The following MYO16 variants were observed in gnomAD, a reference collection of about 807,000 sequenced individuals.
MYO16 encodes the protein unconventional myosin-XVI.
Under a neutral mutation model 205.3 loss-of-function variants are expected in MYO16, and 94 were observed. The ratio of observed to expected loss-of-function variants is 0.46; its 90% CI spans 0.39 to 0.54. The LOEUF is 0.54. MYO16 is among the 20% of genes least tolerant of loss of function. The pLI is 0.00. For missense variants in MYO16, 2,315 were observed against 2,387.5 expected (o/e 0.97, Z 0.63); for synonymous variants, 988 against 954.0 (o/e 1.04, Z -0.66).
intron 33 of MYO16, among the ~76,000 whole-genome samples, chr13:109,168,886 G>A (rs1594152939): frequency 7.8e-6 from 1 of 127,416 alleles, no homozygotes. Context: ...GAAGGGGCTC[G>A]GGTACAGTGT....
the MYO16 span, among the ~76,000 whole-genome samples, chr13:108,591,038 A>T: frequency 1.1e-4 from 17 of 152,316 alleles, no homozygotes; most frequent in African/African-American, 3.6e-4. Flanking sequence ...GACTTAACTG[A>T]GTTTCTGGGA....
Position 109,022,340 on chromosome 13 carries a change from T to TGTATGTATTA in MYO16, c.2796+2429_2796+2430insGTATGTATTA, listed in dbSNP as rs1555324953. Among the ~76,000 whole-genome samples the TGTATGTATTA allele has an allele frequency of 8.0e-3, 681 of 84,834 alleles. 5 individuals carry two copies. The highest frequency in any genetic ancestry group is 0.012 in the Non-Finnish European group (534 of 43,284). The allele number at this position is 84,834 out of a possible 152,430, so 55.7% of individuals were successfully genotyped here. ...TTATATACAAATATATATTTATATA[T>TGTATGTATTA]TATATACAAATATATATGTATATAT... is the stretch of plus-strand genomic sequence containing the variant. On this transcript the variant is annotated intron_variant, in intron 23 of 34. Coordinates refer to ENST00000457511, the MANE Select transcript of MYO16 (RefSeq NM_001198950.3).
At chr13:109,099,262 T>C (rs141763873) in intron 27 of MYO16, among the ~76,000 whole-genome samples, 64 of 152,348 alleles carry the variant, frequency 4.2e-4, no homozygotes, top group African/African-American at 1.5e-3. Context: ...CAAATTTGCT[T>C]TTTATCTAAC....
chr13:109,124,784 G>C (rs1214470584), intron 29 of MYO16, among the ~76,000 whole-genome samples: 1 of 152,156 alleles, frequency 6.6e-6, no homozygotes. Context: ...ATCCCAAAAT[G>C]CTGCAGTTGG....
chr13:108,823,148 G>A lies in MYO16; in HGVS notation c.967G>A (p.Glu323Lys), dbSNP rs1180371269. The change falls in exon 9 of 35, where the codon GAG (glutamate) becomes AAG (lysine). Residue 323 changes from glutamate (E) to lysine (K), a missense_variant. Glu to Lys is a moderately conservative substitution (Grantham distance 56). Around this residue, in one of 3 missense-constraint regions of MYO16, gnomAD observed 1,213 missense variants for 1,274.4 expected, o/e 0.95. Transcript: ENST00000457511. ...AGATATTGCTGCCTCTGAGTTTATT[G>A]AGGAAATGCTGCTGAAAGCCGAAAT... Reference protein sequence around the residue: ...ASDIAASEFIEEMLLKAEIAW... With the variant: ...ASDIAASEFIKEMLLKAEIAW... 1.6e-5 allele frequency: 26 copies of A among 1,610,702 alleles called. No individual in the cohort carries two copies. Among genetic ancestry groups the A allele is most frequent in the Non-Finnish European group, 1.9e-5 (22 of 1,179,162 alleles).
intron 16 of MYO16, among the ~76,000 whole-genome samples, chr13:108,925,385 T>A (rs1881950322): frequency 6.6e-6 from 1 of 152,226 alleles, no homozygotes; most frequent in Admixed American, 6.5e-5. Flanking sequence ...CCTCACCTTT[T>A]ACTTACTTGT....
intron 5 of MYO16, among the ~76,000 whole-genome samples, chr13:108,792,375 T>A (rs963752796): frequency 6.6e-6 from 1 of 152,172 alleles, no homozygotes; most frequent in Non-Finnish European, 1.5e-5. Context: ...CCAAATGCCC[T>A]CCACAGAGCT....
chr13:108,762,133 G>T (rs979441595), intron 4 of MYO16, among the ~76,000 whole-genome samples: 3 of 152,082 alleles, frequency 2.0e-5, no homozygotes, highest in Non-Finnish European at 2.9e-5. Context: ...ACTTAAGATA[G>T]TGGCCTCCAG....
At chr13:108,768,212 G>A (rs987916851) in intron 4 of MYO16, among the ~76,000 whole-genome samples, 1 of 152,084 alleles carries the variant, frequency 6.6e-6, no homozygotes, top group African/African-American at 2.4e-5. Context: ...CCTGGCTCCA[G>A]CACTCCTCGG....
At chr13:109,023,746 C>CAAATATAT (rs1886247704) in intron 23 of MYO16, among the ~76,000 whole-genome samples, 4 of 42,316 alleles carry the variant, frequency 9.5e-5, no homozygotes, top group Non-Finnish European at 1.7e-4. Context: ...TACATATATA[C>CAAATATAT]GTATATGTAT....
chr13:108,555,465 G>A, the MYO16 span, among the ~76,000 whole-genome samples: 1 of 152,160 alleles, frequency 6.6e-6, no homozygotes, highest in Non-Finnish European at 1.5e-5. Context: ...AAGATTGAGA[G>A]GCCAGTGCTG....
chr13:108,816,263 A>G (rs2139005329), intron 7 of MYO16, among the ~76,000 whole-genome samples: 1 of 152,296 alleles, frequency 6.6e-6, no homozygotes, highest in African/African-American at 2.4e-5. Flanking sequence ...AATAAATAAA[A>G]GTGTCTTTCT....
In MYO16 at chr13:108,681,840, A is replaced by G. The variant is rs578222009; in HGVS notation, c.292+15691A>G. ...GACTTCAGAGACTCTTTATCCGTAT[A>G]ACTACATTGCTATTCATGGTCCTCC... On this transcript the variant is annotated intron_variant, in intron 2 of 34. Coordinates refer to ENST00000457511, the MANE Select transcript of MYO16 (RefSeq NM_001198950.3). 2.0e-5 allele frequency among the ~76,000 whole-genome samples: 3 copies of G among 152,358 alleles called. No individual in the cohort carries two copies. In the South Asian group the frequency reaches 6.2e-4, roughly 32 times the overall value.
intron 4 of MYO16, among the ~76,000 whole-genome samples, chr13:108,782,092 A>G (rs1424087629): frequency 6.6e-6 from 1 of 152,214 alleles, no homozygotes; most frequent in Non-Finnish European, 1.5e-5. Context: ...GAACTGGGTA[A>G]CAGGCAGAGG....
chr13:108,756,736 GTACTCAGTCTA>G (rs1885434124), intron 4 of MYO16, among the ~76,000 whole-genome samples: 2 of 152,062 alleles, frequency 1.3e-5, no homozygotes, highest in African/African-American at 4.8e-5. Context: ...AGGGTATTCT[GTACTCAGTCTA>G]TGGATTTGAA....
chr13:108,714,979 T>C (rs1883884852), intron 3 of MYO16, among the ~76,000 whole-genome samples: 1 of 152,164 alleles, frequency 6.6e-6, no homozygotes, highest in Non-Finnish European at 1.5e-5. Flanking sequence ...TTGCCTGCAC[T>C]ATACTGTTTC....
At chr13:109,106,730 T>C (rs157009) in intron 28 of MYO16, among the ~76,000 whole-genome samples, 91,591 of 151,978 alleles carry the variant, frequency 0.6, 28,365 homozygotes, top group African/African-American at 0.69. Flanking sequence ...CACACAGCAC[T>C]GGGAGAGTCG....
At chr13:108,834,333 T>A (rs1299078225) in intron 9 of MYO16, among the ~76,000 whole-genome samples, 3 of 152,168 alleles carry the variant, frequency 2.0e-5, no homozygotes, top group African/African-American at 7.2e-5. Context: ...GTGGGCTATG[T>A]TCTTCCCTGT....
At chr13:109,112,009 G>A (rs1889302411) in intron 28 of MYO16, among the ~76,000 whole-genome samples, 1 of 152,078 alleles carries the variant, frequency 6.6e-6, no homozygotes, top group African/African-American at 2.4e-5. Flanking sequence ...AAAATAAAGG[G>A]ATAGCATCTA....
Sources: gnomAD v4.1 joint callset for allele counts (sites outside exome capture counted in the v4.1 genomes callset) on GRCh38, gnomAD v4.1.1 for gene constraint, gnomAD v4.1.1 regional missense constraint, MANE v1.5 for transcripts, NCBI Gene and HGNC (gene_info 2026-07-23, HGNC 2026-07-21) for gene names.